The following PTCSC3 variants were observed in gnomAD, a reference collection of about 807,000 sequenced individuals.
The protein encoded by PTCSC3 is papillary thyroid carcinoma susceptibility candidate 3, also known as papillary thyroid carcinoma susceptibility candidate 3 (non-protein coding).
At chr14:36,137,933 A>T (rs1881327462) in intron 3 of PTCSC3, among the ~76,000 whole-genome samples, 1 of 152,212 alleles carries the variant, frequency 6.6e-6, no homozygotes, top group Non-Finnish European at 1.5e-5. Flanking sequence ...AGAATTATCT[A>T]CGTATTGATA....
rs547854853 is a variant in PTCSC3 at position 36,148,548 on chromosome 14, C to A, written n.322+5256G>T. ...AGCGTGCAGTGTGTGCACCCACTGA[C>A]CTGTGCCCACTGTCTGGCACTCCCT... On this transcript the variant is annotated intron_variant and non_coding_transcript_variant, in intron 3 of 3. Transcript: ENST00000556013. 3.9e-5 allele frequency among the ~76,000 whole-genome samples: 6 copies of A among 152,332 alleles called. 1 individual carries two copies. The highest frequency in any genetic ancestry group is 1.4e-4 in the African/African-American group (6 of 41,576).
intron 2 of PTCSC3, among the ~76,000 whole-genome samples, chr14:36,160,232 G>A (rs920891145): frequency 1.3e-5 from 2 of 152,170 alleles, no homozygotes; most frequent in East Asian, 3.9e-4. Flanking sequence ...TTACATTTAA[G>A]GTTAATATTG....
chr14:36,172,356 A>AT (rs1882207155), intron 1 of PTCSC3, among the ~76,000 whole-genome samples: 1 of 152,158 alleles, frequency 6.6e-6, no homozygotes, highest in Non-Finnish European at 1.5e-5. Context: ...GAATTTAAAA[A>AT]TTTGTATCAG....
intron 3 of PTCSC3, among the ~76,000 whole-genome samples, chr14:36,148,038 A>G (rs368373103): frequency 9.2e-5 from 14 of 152,262 alleles, no homozygotes; most frequent in African/African-American, 2.6e-4. Flanking sequence ...CTCCAGCTGC[A>G]TGCTGGGAGA....
chr14:36,171,488 C>A (rs1594457821), intron 1 of PTCSC3, among the ~76,000 whole-genome samples: 1 of 152,144 alleles, frequency 6.6e-6, no homozygotes, highest in African/African-American at 2.4e-5. Flanking sequence ...ATGTAAACAT[C>A]ATTATTGTTC....
chr14:36,175,484 C>G lies in PTCSC3; in HGVS notation n.171+814G>C, dbSNP rs1882267835. ...TTCCACGTTGGGAAGAACATAAGAACCACAGCACTTTCTATGAAATGTCAT... is the reference window on the plus strand; with the variant it reads ...TTCCACGTTGGGAAGAACATAAGAAGCACAGCACTTTCTATGAAATGTCAT... On this transcript the variant is annotated intron_variant and non_coding_transcript_variant, in intron 1 of 3. Coordinates refer to ENST00000556013, the Ensembl canonical transcript of PTCSC3. Among the ~76,000 whole-genome samples, 6 of 152,174 alleles carry G rather than the reference C, an allele frequency of 3.9e-5. No homozygotes were observed. The South Asian group carries it at 1.2e-3, about 32-fold the overall frequency.
chr14:36,173,454 G>T (rs1415840297), intron 1 of PTCSC3, among the ~76,000 whole-genome samples: 2 of 152,074 alleles, frequency 1.3e-5, no homozygotes, highest in Non-Finnish European at 2.9e-5. Flanking sequence ...TGAATTAAAT[G>T]TCAAATTTCC....
At chr14:36,149,275 C>T (rs538725123) in intron 3 of PTCSC3, among the ~76,000 whole-genome samples, 1 of 152,172 alleles carries the variant, frequency 6.6e-6, no homozygotes, top group African/African-American at 2.4e-5. Context: ...TGTTTAATCT[C>T]CAAATATTTG....
At chr14:36,159,381 T>C (rs61996590) in intron 2 of PTCSC3, among the ~76,000 whole-genome samples, 13,299 of 152,258 alleles carry the variant, frequency 0.087, 691 homozygotes, top group Middle Eastern at 0.18. Context: ...CTTGTGGGCA[T>C]TTAGTGCTAT....
At chr14:36,143,299 C>A (rs1156508161) in intron 3 of PTCSC3, among the ~76,000 whole-genome samples, 1 of 132,654 alleles carries the variant, frequency 7.5e-6, no homozygotes, top group East Asian at 2.2e-4. Context: ...TCCTATTTCT[C>A]CACATCCTCT....
downstream of PTCSC3, among the ~76,000 whole-genome samples, chr14:36,135,670 G>A (rs1190991860): frequency 6.6e-6 from 1 of 152,140 alleles, no homozygotes; most frequent in Non-Finnish European, 1.5e-5. Flanking sequence ...AATGAAGGTG[G>A]TGCTGATAAT....
chr14:36,176,671 G>T (rs1008696419), upstream of PTCSC3, among the ~76,000 whole-genome samples: 4 of 152,022 alleles, frequency 2.6e-5, no homozygotes, highest in African/African-American at 9.7e-5. Context: ...CCTGGCCTCC[G>T]ATATTTCTGC....
intron 2 of PTCSC3, among the ~76,000 whole-genome samples, chr14:36,154,434 A>C (rs1881787851): frequency 6.6e-6 from 1 of 152,250 alleles, no homozygotes; most frequent in Non-Finnish European, 1.5e-5. Flanking sequence ...TTAATGGTGA[A>C]TATCAATGAG....
intron 3 of PTCSC3, among the ~76,000 whole-genome samples, chr14:36,152,254 T>C (rs1881739907): frequency 6.6e-6 from 1 of 152,026 alleles, no homozygotes; most frequent in Non-Finnish European, 1.5e-5. Flanking sequence ...ATGAATAAAT[T>C]GGACTTTATT....
chr14:36,144,531 G>T, intron 3 of PTCSC3, among the ~76,000 whole-genome samples: 2 of 109,360 alleles, frequency 1.8e-5, no homozygotes, highest in Admixed American at 9.6e-5. Context: ...CTTTGCTGAA[G>T]TTGCTTATCA....
chr14:36,142,651 TTTC>T (rs966128358), intron 3 of PTCSC3, among the ~76,000 whole-genome samples: 3 of 151,952 alleles, frequency 2.0e-5, no homozygotes, highest in African/African-American at 4.8e-5. Context: ...GCTCATTCAA[TTTC>T]TTTTTTTTTT....
intron 3 of PTCSC3, among the ~76,000 whole-genome samples, chr14:36,147,421 C>T (rs1470325291): frequency 6.6e-6 from 1 of 152,082 alleles, no homozygotes; most frequent in Non-Finnish European, 1.5e-5. Context: ...TTTCATCTTC[C>T]ATTGCTGATA....
At chr14:36,149,860 C>T (rs1881683081) in intron 3 of PTCSC3, among the ~76,000 whole-genome samples, 1 of 152,112 alleles carries the variant, frequency 6.6e-6, no homozygotes, top group South Asian at 2.1e-4. Flanking sequence ...AGCTGTGTAT[C>T]CCTTATCCAA....
intron 2 of PTCSC3, among the ~76,000 whole-genome samples, chr14:36,162,258 G>GAGAAA (rs1881975167): frequency 9.4e-6 from 1 of 106,554 alleles, no homozygotes; most frequent in African/African-American, 4.8e-5. Flanking sequence ...CTGGGGTATG[G>GAGAAA]AAAAAAAAAA....
Sources: gnomAD v4.1 joint callset for allele counts (sites outside exome capture counted in the v4.1 genomes callset) on GRCh38, gnomAD v4.1.1 for gene constraint, MANE v1.5 for transcripts, NCBI Gene and HGNC (gene_info 2026-07-23, HGNC 2026-07-21) for gene names.